The following PEPD variants were observed in gnomAD, a reference collection of about 807,000 sequenced individuals.
The protein encoded by PEPD is peptidase D, also known as xaa-Pro dipeptidase.
In PEPD, 53 loss-of-function variants were observed where a neutral mutation model predicts 60.7. That is an observed-to-expected ratio of 0.87 (90% CI 0.70 to 1.10). The LOEUF is 1.10. Among genes scored for constraint, PEPD ranks in the 50% least tolerant of loss-of-function variants. The pLI, the probability that PEPD is intolerant of heterozygous loss-of-function variation, is 0.00. For synonymous variants in PEPD, 267 were observed against 284.1 expected, an observed-to-expected ratio of 0.94 and a Z score of 0.60; for missense variants, 711 against 711.9, an observed-to-expected ratio of 1.00 and a Z score of 0.01.
At chr19:33,430,719 G>A (rs1600108828) in intron 9 of PEPD, among the ~76,000 whole-genome samples, 2 of 152,104 alleles carry the variant, frequency 1.3e-5, no homozygotes, top group East Asian at 3.9e-4. Context: ...TCAAAGACCT[G>A]CTCCCCTCGC....
intron 13 of PEPD, among the ~76,000 whole-genome samples, chr19:33,389,412 T>C (rs1442860867): frequency 8.5e-5 from 13 of 152,214 alleles, no homozygotes. Context: ...AGCTGGGGCC[T>C]GTCTCCTGCC....
At chr19:33,488,440 A>G (rs117702102) in intron 6 of PEPD, among the ~76,000 whole-genome samples, 2,095 of 152,182 alleles carry the variant, frequency 0.014, 27 homozygotes, top group South Asian at 0.071. Context: ...TGTGCAGGAC[A>G]CTGGAGACCC....
At chr19:33,412,794 C>T (rs757070111) in intron 10 of PEPD, among the ~76,000 whole-genome samples, 4 of 152,210 alleles carry the variant, frequency 2.6e-5, no homozygotes, top group South Asian at 2.1e-4. Flanking sequence ...CCATCCTGGC[C>T]GGGCAGGGGC....
At chr19:33,396,706 G>T (rs1380926921) in intron 12 of PEPD, among the ~76,000 whole-genome samples, 2 of 151,952 alleles carry the variant, frequency 1.3e-5, no homozygotes, top group African/African-American at 4.8e-5. Context: ...AGGCCAGGGA[G>T]GGTGGGGGGG....
chr19:33,479,069 T>A (rs7251706), intron 6 of PEPD, among the ~76,000 whole-genome samples: 75,171 of 151,750 alleles, frequency 0.5, 19,133 homozygotes, highest in African/African-American at 0.6. Context: ...CAAAAGAGAA[T>A]GAGGAAAAGG....
chr19:33,502,343 G>T (rs1202589750), intron 3 of PEPD, among the ~76,000 whole-genome samples: 3 of 152,198 alleles, frequency 2.0e-5, no homozygotes, highest in African/African-American at 7.2e-5. Context: ...AAAAACAGCA[G>T]ATGGTTTCTG....
At chr19:33,512,811 C>T in intron 1 of PEPD, 35 bp from the exon 2 acceptor site, 1 of 1,611,538 alleles carries the variant, frequency 6.2e-7, no homozygotes, top group Non-Finnish European at 8.5e-7. Context: ...CCACACAGGC[C>T]TCTGTTAGCA....
chr19:33,405,003 C>G (rs1346160944), intron 11 of PEPD, among the ~76,000 whole-genome samples: 1 of 152,244 alleles, frequency 6.6e-6, no homozygotes, highest in Non-Finnish European at 1.5e-5. Flanking sequence ...CAATCGAGAA[C>G]AGGCACGCAG....
intron 3 of PEPD, among the ~76,000 whole-genome samples, 156 bp downstream of exon 3, chr19:33,510,872 A>G (rs970334384): frequency 3.3e-5 from 5 of 152,098 alleles, no homozygotes; most frequent in Non-Finnish European, 1.5e-5. Context: ...CTCTGGCGAG[A>G]GGCAGGCTGT....
chr19:33,449,189 G>A (rs1969650501), intron 9 of PEPD, among the ~76,000 whole-genome samples: 1 of 152,250 alleles, frequency 6.6e-6, no homozygotes. Context: ...ACTCGGTACT[G>A]TCTGGACCAC....
chr19:33,442,895 G>A (rs890538041), intron 9 of PEPD, among the ~76,000 whole-genome samples: 1 of 152,170 alleles, frequency 6.6e-6, no homozygotes, highest in African/African-American at 2.4e-5. Flanking sequence ...CACCGGGGCT[G>A]TCCACTGGCT....
At chr19:33,473,517 C>T (rs993847073) in intron 7 of PEPD, among the ~76,000 whole-genome samples, 14 of 151,552 alleles carry the variant, frequency 9.2e-5, no homozygotes, top group Admixed American at 1.3e-4. Context: ...GCTCTAAAAC[C>T]GGCAGATGAC....
chr19:33,428,261 G>A (rs747387549), intron 9 of PEPD, among the ~76,000 whole-genome samples: 7 of 152,306 alleles, frequency 4.6e-5, no homozygotes, highest in African/African-American at 1.7e-4. Flanking sequence ...CGGGTTTCCT[G>A]ATGTGCTTTG....
chr19:33,464,004 T>C lies in PEPD; in HGVS notation c.607A>G (p.Ser203Gly). Residue 203 changes from serine to glycine, a missense_variant, in exon 8 of 15, where the codon AGC becomes GGC. Transcript: ENST00000244137. The part of the protein sequence containing the change: ...EVLRYTNKIS[S>G]EAHREVMKAV... ...TGACTTACCTCACGGTGGGCCTCGC[T>C]GGAGATTTTATTGGTATAGCGCAGA... 1 of 1,612,034 alleles carries C rather than the reference T, an allele frequency of 6.2e-7. No individual in the cohort carries two copies. Among genetic ancestry groups the C allele is most frequent in the Non-Finnish European group, 8.5e-7 (1 of 1,178,620 alleles).
chr19:33,464,174 G>C (rs1426078661), intron 7 of PEPD, 112 bp from the exon 8 acceptor site: 2 of 776,530 alleles, frequency 2.6e-6, no homozygotes, highest in Non-Finnish European at 4.5e-6. Flanking sequence ...CAGAAGGCGT[G>C]TTGTGCAAGG....
intron 6 of PEPD, among the ~76,000 whole-genome samples, chr19:33,479,067 A>G (rs1311559136): frequency 1.3e-5 from 2 of 152,222 alleles, no homozygotes; most frequent in Non-Finnish European, 2.9e-5. Context: ...CACAAAAGAG[A>G]ATGAGGAAAA....
intron 7 of PEPD, among the ~76,000 whole-genome samples, chr19:33,477,777 T>A (rs1186718412): frequency 3.3e-5 from 5 of 152,224 alleles, no homozygotes. Flanking sequence ...CTATCTAAGT[T>A]TGGTTTACTT....
chr19:33,480,667 C>T (rs140540705), intron 6 of PEPD, among the ~76,000 whole-genome samples: 1,742 of 152,168 alleles, frequency 0.011, 35 homozygotes, highest in African/African-American at 0.039. Flanking sequence ...TGGTGGTGAG[C>T]GCCTGTAATC....
chr19:33,434,822 A>T (rs927469751), intron 9 of PEPD, among the ~76,000 whole-genome samples: 1 of 151,758 alleles, frequency 6.6e-6, no homozygotes. Context: ...AGCCTGGCAC[A>T]TCACACATAC....
Sources: gnomAD v4.1 joint callset for allele counts (sites outside exome capture counted in the v4.1 genomes callset) on GRCh38, gnomAD v4.1.1 for gene constraint, MANE v1.5 for transcripts, NCBI Gene and HGNC (gene_info 2026-07-23, HGNC 2026-07-21) for gene names.